GPC6: variants seen among roughly 807,000 people sequenced by gnomAD.
GPC6 encodes the protein glypican 6.
GPC6 carries 14 observed loss-of-function variants against 55.2 expected under a neutral mutation model. That is an observed-to-expected ratio of 0.25 (90% CI 0.17 to 0.40). GPC6 has a LOEUF of 0.40. GPC6 is among the 10% of genes least tolerant of loss of function. The pLI is 1.00. For synonymous variants in GPC6, 278 were observed against 259.6 expected (o/e 1.07, Z -0.68); for missense variants, 641 against 708.5 (o/e 0.90, Z 1.08).
intron 1 of GPC6, among the ~76,000 whole-genome samples, chr13:93,363,379 G>A (rs934107369): frequency 1.3e-5 from 2 of 150,586 alleles, no homozygotes; most frequent in African/African-American, 2.4e-5. Flanking sequence ...GTGAGAATAT[G>A]CGGTGTTTGG....
chr13:93,922,513 G>T (rs1004877833), intron 3 of GPC6, among the ~76,000 whole-genome samples: 1 of 152,026 alleles, frequency 6.6e-6, no homozygotes, highest in African/African-American at 2.4e-5. Flanking sequence ...TAATTGTGGG[G>T]GGATTCCCTG....
At chr13:94,259,734 C>T (rs1205777397) in intron 4 of GPC6, among the ~76,000 whole-genome samples, 2 of 152,190 alleles carry the variant, frequency 1.3e-5, no homozygotes, top group African/African-American at 4.8e-5. Context: ...ATTCTAATTA[C>T]CTCACATAAC....
intron 2 of GPC6, among the ~76,000 whole-genome samples, chr13:93,629,741 T>G (rs2139569534): frequency 6.6e-6 from 1 of 152,328 alleles, no homozygotes; most frequent in South Asian, 2.1e-4. Flanking sequence ...AATAATGCAT[T>G]TATAGAATAG....
intron 3 of GPC6, among the ~76,000 whole-genome samples, chr13:93,979,140 C>T (rs951374754): frequency 1.3e-5 from 2 of 152,128 alleles, no homozygotes; most frequent in South Asian, 2.1e-4. Context: ...TATGTATCTA[C>T]ACTCTCCAAT....
intron 1 of GPC6, among the ~76,000 whole-genome samples, chr13:93,432,290 A>G (rs1317246959): frequency 2.0e-5 from 3 of 152,138 alleles, no homozygotes; most frequent in African/African-American, 7.2e-5. Context: ...AGATCCATGT[A>G]TGACTCTCTC....
intron 1 of GPC6, among the ~76,000 whole-genome samples, chr13:93,234,191 C>T (rs938840848): frequency 2.6e-5 from 4 of 152,148 alleles, no homozygotes; most frequent in African/African-American, 4.8e-5. Flanking sequence ...ATGCCCTTCT[C>T]CCCTGGGAGT....
chr13:93,997,569 A>C (rs940674504), intron 3 of GPC6, among the ~76,000 whole-genome samples: 8 of 111,644 alleles, frequency 7.2e-5, no homozygotes, highest in African/African-American at 2.6e-4. Flanking sequence ...CATCAGCATA[A>C]AAAGACATAA....
chr13:94,292,243 C>G (rs544439588), intron 5 of GPC6, among the ~76,000 whole-genome samples: 1 of 130,120 alleles, frequency 7.7e-6, no homozygotes, highest in Non-Finnish European at 1.6e-5. Context: ...AAGCCCATCT[C>G]GCTAATCGAT....
intron 1 of GPC6, among the ~76,000 whole-genome samples, chr13:93,536,744 A>C (rs867114344): frequency 3.9e-5 from 6 of 152,298 alleles, no homozygotes; most frequent in Middle Eastern, 3.4e-3. Flanking sequence ...TCTGCCCATT[A>C]GTAAATCCTC....
At chr13:93,718,009 A>G (rs1344791414) in intron 2 of GPC6, among the ~76,000 whole-genome samples, 1 of 151,900 alleles carries the variant, frequency 6.6e-6, no homozygotes, top group South Asian at 2.1e-4. Flanking sequence ...CCAGTCTATT[A>G]CTAATGGACA....
chr13:94,291,013 G>A (rs112757321), intron 5 of GPC6, among the ~76,000 whole-genome samples: 6,169 of 152,168 alleles, frequency 0.041, 390 homozygotes, highest in African/African-American at 0.14. Context: ...CCAATATGGC[G>A]AAACCCCGTC....
intron 3 of GPC6, among the ~76,000 whole-genome samples, chr13:93,858,771 G>A (rs1297352333): frequency 2.6e-5 from 4 of 151,518 alleles, no homozygotes; most frequent in Non-Finnish European, 5.9e-5. Flanking sequence ...TATTGGAGTA[G>A]TGGGGGTGAA....
intron 7 of GPC6, among the ~76,000 whole-genome samples, chr13:94,390,336 C>T (rs1185712961): frequency 1.3e-5 from 2 of 152,154 alleles, no homozygotes; most frequent in African/African-American, 4.8e-5. Flanking sequence ...AAGTCAAACA[C>T]CTTGGAAAGG....
chr13:94,289,047 G>C (rs1474464949), intron 5 of GPC6, among the ~76,000 whole-genome samples: 3 of 149,708 alleles, frequency 2.0e-5, no homozygotes, highest in Non-Finnish European at 4.4e-5. Flanking sequence ...AACTCCATGA[G>C]TGACTGGGAT....
intron 4 of GPC6, among the ~76,000 whole-genome samples, chr13:94,077,833 C>T (rs921650448): frequency 3.0e-4 from 45 of 151,856 alleles, no homozygotes; most frequent in African/African-American, 1.0e-3. Context: ...CTTGATCATG[C>T]TACATGATCT....
intron 2 of GPC6, among the ~76,000 whole-genome samples, chr13:93,574,362 A>G (rs190572354): frequency 6.6e-6 from 1 of 152,256 alleles, no homozygotes; most frequent in East Asian, 1.9e-4. Context: ...AGATTGGTGT[A>G]TCGTGTCTAC....
At chr13:93,960,770 T>C (rs1879730706) in intron 3 of GPC6, among the ~76,000 whole-genome samples, 2 of 152,146 alleles carry the variant, frequency 1.3e-5, no homozygotes, top group South Asian at 4.2e-4. Context: ...TTTGACATCA[T>C]GCAGAAAAAT....
chr13:93,795,777 A>G (rs1227723534), intron 2 of GPC6, among the ~76,000 whole-genome samples: 2 of 152,216 alleles, frequency 1.3e-5, no homozygotes, highest in East Asian at 3.8e-4. Flanking sequence ...TGCTAATGGC[A>G]AATCAATCAC....
chr13:94,229,929 G>C (rs903367963), intron 4 of GPC6, among the ~76,000 whole-genome samples: 4 of 152,176 alleles, frequency 2.6e-5, no homozygotes, highest in African/African-American at 9.7e-5. Flanking sequence ...ATGACCTTTT[G>C]TGTGAGAGAG....
Sources: allele counts gnomAD v4.1 joint callset (sites outside exome capture counted in the v4.1 genomes callset), GRCh38; gene constraint gnomAD v4.1.1; transcripts MANE v1.5; gene names NCBI Gene and HGNC (gene_info 2026-07-23, HGNC 2026-07-21).